Variants in ZNF728 observed in about 807,000 individuals in gnomAD.
ZNF728 encodes the protein zinc finger protein 728.
ZNF728 carries 12 observed loss-of-function variants against 12.5 expected under a neutral mutation model. That is an observed-to-expected ratio of 0.96 (90% confidence interval 0.61 to 1.55). ZNF728 has a LOEUF of 1.55. ZNF728 is among the 40% of genes most tolerant of loss of function. ZNF728 has a pLI of 0.00. For missense variants in ZNF728, 692 were observed against 719.2 expected (o/e 0.96, Z 0.43); for synonymous variants, 205 against 240.7 (o/e 0.85, Z 1.37).
intron 2 of ZNF728, 56 bp from the exon 3 acceptor site, chr19:22,987,459 T>A: frequency 6.7e-7 from 1 of 1,496,452 alleles, no homozygotes; most frequent in Non-Finnish European, 9.0e-7. Context: ...AATTAACAAC[T>A]TAGTAATGTG....
Position 22,976,573 on chromosome 19 carries a change from T to C in ZNF728, c.764A>G (p.His255Arg), listed in dbSNP as rs551442933. The C allele has an allele frequency of 1.2e-6, 2 of 1,609,952 alleles. No individual in the cohort carries two copies. The highest frequency in any genetic ancestry group is 4.5e-5 in the East Asian group (2 of 44,638). ...KHKVIHTGEK[H>R]YKCEECGKAF... ...TTTGCCACATTCTTCACATTTGTAA[T>C]GTTTCTCTCCAGTATGAATTACCTT... Residue 255 changes from histidine to arginine, a missense_variant, in exon 4 of 4, where the codon CAT (histidine) becomes CGT (arginine). By Grantham distance (29) the His-to-Arg change is conservative (BLOSUM62 0). This residue lies in a region of ZNF728 where 440 missense variants were observed against 459.6 expected (regional missense o/e 0.96). Transcript: ENST00000594710.
chr19:22,980,559 C>T (rs1222246263), intron 3 of ZNF728, among the ~76,000 whole-genome samples: 1 of 152,142 alleles, frequency 6.6e-6, no homozygotes, highest in African/African-American at 2.4e-5. Flanking sequence ...ACTCTTTACC[C>T]CAAATCAACA....
At position 22,975,531 on chromosome 19, in the gene ZNF728, G is replaced by T; in HGVS notation, c.1806C>A (p.Asn602Lys). 1 of 1,572,446 alleles carries T rather than the reference G, an allele frequency of 6.4e-7. No individual in the cohort carries two copies. ...YKCEECGKDF[N>K]QSSHLTTHKR... Reference sequence around the variant, plus strand: ...TATGAGTAGTAAGGTGTGAGGATTGGTTGAAGTCTTTACCACATTCTTCAC... The same window carrying T: ...TATGAGTAGTAAGGTGTGAGGATTGTTTGAAGTCTTTACCACATTCTTCAC... Residue 602 changes from asparagine (N) to lysine (K), a missense_variant, in exon 4 of 4, where the codon AAC (asparagine) becomes AAA (lysine). This residue lies in a region of ZNF728 where 244 missense variants were observed against 235.2 expected (regional missense o/e 1.04). Coordinates refer to ENST00000594710, the MANE Select transcript of ZNF728 (RefSeq NM_001267716.2).
At chr19:22,997,732 A>T (rs1382574866) in intron 1 of ZNF728, among the ~76,000 whole-genome samples, 1 of 151,968 alleles carries the variant, frequency 6.6e-6, no homozygotes. Flanking sequence ...TCTATTTAAA[A>T]AAAAAAAAAA....
chr19:22,986,796 A>G (rs1383482186), intron 3 of ZNF728, among the ~76,000 whole-genome samples: 1 of 152,162 alleles, frequency 6.6e-6, no homozygotes, highest in Non-Finnish European at 1.5e-5. Flanking sequence ...ATCTTGAGGA[A>G]AAAGAAAAAA....
chr19:22,986,810 G>A (rs990531501), intron 3 of ZNF728, among the ~76,000 whole-genome samples: 1 of 151,196 alleles, frequency 6.6e-6, no homozygotes, highest in Admixed American at 6.6e-5. Context: ...GAAAAAAGCA[G>A]GACAACATAC....
At chr19:22,997,567 GTTTA>G (rs1969062082) in intron 1 of ZNF728, among the ~76,000 whole-genome samples, 1 of 152,038 alleles carries the variant, frequency 6.6e-6, no homozygotes. Context: ...TTAGATCTCA[GTTTA>G]ACAACCTGAT....
rs554444855 is a variant in ZNF728, at chr19:22,988,781, G to A, written c.4-330C>T. On this transcript the variant is annotated intron_variant, in intron 1 of 3. Coordinates refer to ENST00000594710, the MANE Select transcript of ZNF728 (RefSeq NM_001267716.2). The stretch of plus-strand genomic sequence containing the variant: ...CAGAATTAATTGTGTGCCAGGCGTG[G>A]TGGCTCATGCCTGTAATCCCAGCAC... 8.5e-5 allele frequency among the ~76,000 whole-genome samples: 13 copies of A among 152,282 alleles called. No individual in the cohort carries two copies. The South Asian group carries it at 2.7e-3, about 32-fold the overall frequency.
intron 1 of ZNF728, among the ~76,000 whole-genome samples, chr19:22,993,587 A>T (rs1969014584): frequency 6.6e-6 from 1 of 152,242 alleles, no homozygotes; most frequent in African/African-American, 2.4e-5. Context: ...AGCAGCACTT[A>T]CAAGTGGATT....
At chr19:22,980,326 GCTAA>G in intron 3 of ZNF728, among the ~76,000 whole-genome samples, 1 of 152,106 alleles carries the variant, frequency 6.6e-6, no homozygotes, top group South Asian at 2.1e-4. Context: ...AACAAGAAGA[GCTAA>G]CTATCCTAAA....
chr19:22,996,947 G>A (rs1404530370), intron 1 of ZNF728, among the ~76,000 whole-genome samples: 1 of 152,052 alleles, frequency 6.6e-6, no homozygotes, highest in Non-Finnish European at 1.5e-5. Context: ...GATGTTTATG[G>A]GGGGAAAAGC....
intron 1 of ZNF728, among the ~76,000 whole-genome samples, chr19:22,999,863 G>T (rs569421131): frequency 2.6e-5 from 4 of 152,112 alleles, no homozygotes; most frequent in Non-Finnish European, 4.4e-5. Context: ...ATAGAACAAA[G>T]ATATTTACTT....
intron 1 of ZNF728, among the ~76,000 whole-genome samples, chr19:22,991,260 T>C (rs1007772390): frequency 6.6e-6 from 1 of 152,248 alleles, no homozygotes; most frequent in African/African-American, 2.4e-5. Flanking sequence ...TTATGTGATG[T>C]TACAGAGTGC....
Position 22,976,209 on chromosome 19 carries a change from G to C in ZNF728, c.1128C>G (p.Ala376=). Residue 376 remains alanine (A), a synonymous_variant, in exon 4 of 4, where the codon GCC becomes GCG. Transcript: ENST00000594710. Reference sequence around the variant, plus strand: ...CAGTAAGGCTTGAGGGCCAGCTGAAGGCTTTGCCACATTCTTCACATTTGT... The same window carrying C: ...CAGTAAGGCTTGAGGGCCAGCTGAACGCTTTGCCACATTCTTCACATTTGT... ...KPYKCEECGK[A]FSWPSSLTEH... is the part of the protein sequence containing the mutation. The C allele has an allele frequency of 6.2e-7, 1 of 1,613,402 alleles. No individual in the cohort carries two copies. The highest frequency in any genetic ancestry group is 8.5e-7 in the Non-Finnish European group (1 of 1,179,738).
rs1287114680 is a variant in ZNF728, at chr19:22,992,351, T to C, written c.4-3900A>G. ...TCCGCTTCCCAGGTTCAAGCGATTCTCCTGCCTCAGCCTCCCAAGTAACCA... is the reference window on the plus strand; with the variant it reads ...TCCGCTTCCCAGGTTCAAGCGATTCCCCTGCCTCAGCCTCCCAAGTAACCA... On this transcript the variant is annotated intron_variant, in intron 1 of 3. Coordinates refer to ENST00000594710, the MANE Select transcript of ZNF728 (RefSeq NM_001267716.2). 2.0e-4 allele frequency among the ~76,000 whole-genome samples: 31 copies of C among 152,204 alleles called. No homozygotes were observed. The East Asian group carries it at 5.6e-3, about 28-fold the overall frequency.
In ZNF728 at chr19:23,003,124, G is replaced by C. The variant is rs1969132584; in HGVS notation, c.-94C>G. 7.0e-7 allele frequency: 1 copy of C among 1,431,874 alleles called. No individual in the cohort carries two copies. The highest frequency in any genetic ancestry group is 1.5e-5 in the African/African-American group (1 of 68,462). The allele number at this position is 1,431,874 out of a possible 1,614,324, so 88.7% of individuals were successfully genotyped here. ...AGAAGCTGGGCCTTTAGGAGCGGAC[G>C]ACACACAGCAGTAAGGACGACACCT... On this transcript the variant is annotated 5_prime_UTR_variant, in exon 1 of 4. Coordinates refer to ENST00000594710, the MANE Select transcript of ZNF728 (RefSeq NM_001267716.2).
chr19:23,002,068 C>T (rs1479873289), intron 1 of ZNF728, among the ~76,000 whole-genome samples: 2 of 152,224 alleles, frequency 1.3e-5, no homozygotes, highest in African/African-American at 4.8e-5. Flanking sequence ...GTAATCCCAG[C>T]ACTTTGGGAG....
At chr19:22,977,131 C>T (rs530593347) in intron 3 of ZNF728, 21 bp from the exon 4 acceptor site, 3 of 1,507,936 alleles carry the variant, frequency 2.0e-6, no homozygotes, top group East Asian at 4.7e-5. Context: ...ATAAAAATAA[C>T]AAATTAGTCC....
At chr19:22,980,155 T>C (rs548579387) in intron 3 of ZNF728, among the ~76,000 whole-genome samples, 16 of 86,312 alleles carry the variant, frequency 1.9e-4, no homozygotes, top group African/African-American at 5.5e-4. Context: ...AATAAATGGA[T>C]AGAGGAATAG....
Sources: allele counts gnomAD v4.1 joint callset (sites outside exome capture counted in the v4.1 genomes callset), GRCh38; gene constraint gnomAD v4.1.1; regional missense constraint gnomAD v4.1.1; transcripts MANE v1.5; gene names NCBI Gene and HGNC (gene_info 2026-07-23, HGNC 2026-07-21).